VTI1A: variants seen among roughly 807,000 people sequenced by gnomAD.
VTI1A encodes the protein vesicle transport through interaction with t-SNAREs 1A.
A neutral mutation model predicts 34.9 loss-of-function variants in VTI1A; 22 were observed. The observed-to-expected ratio is 0.63, with a 90% CI of 0.45 to 0.90. The LOEUF is 0.90. VTI1A is among the 40% of genes least tolerant of loss of function. The probability of loss-of-function intolerance (pLI) is 0.00; values close to 1 mark genes in which losing one functional copy is unlikely to be tolerated. For synonymous variants in VTI1A, 87 were observed against 97.3 expected (o/e 0.89, Z 0.62); for missense variants, 268 against 275.6 (o/e 0.97, Z 0.20).
chr10:112,610,153 A>T (rs1369046859), intron 5 of VTI1A, among the ~76,000 whole-genome samples: 4 of 147,036 alleles, frequency 2.7e-5, no homozygotes, highest in African/African-American at 1.0e-4. Context: ...GGGGAATCAT[A>T]AAAATTATAT....
chr10:112,847,905 G>A, the VTI1A span, among the ~76,000 whole-genome samples: 1 of 152,088 alleles, frequency 6.6e-6, no homozygotes, highest in African/African-American at 2.4e-5. Flanking sequence ...CCTATCTGAG[G>A]CACCAGGCAT....
chr10:112,516,170 T>G (rs1849768985), intron 3 of VTI1A, among the ~76,000 whole-genome samples: 1 of 152,086 alleles, frequency 6.6e-6, no homozygotes. Flanking sequence ...GTAATCCATA[T>G]TCCTCAGGTC....
At chr10:112,456,243 A>G (rs562101753) in intron 1 of VTI1A, among the ~76,000 whole-genome samples, 1 of 152,204 alleles carries the variant, frequency 6.6e-6, no homozygotes, top group East Asian at 1.9e-4. Context: ...CAACATGGTG[A>G]AACCTCATTC....
the VTI1A span, chr10:112,832,322 T>A: frequency 6.6e-6 from 1 of 152,214 alleles, no homozygotes; most frequent in South Asian, 2.1e-4. Context: ...CCTGAAAGTC[T>A]CATTCTGCCC....
chr10:112,836,550 G>A, the VTI1A span, among the ~76,000 whole-genome samples: 257 of 152,218 alleles, frequency 1.7e-3, 1 homozygote, highest in South Asian at 2.9e-3. Context: ...ATTTCCCTCC[G>A]TTTTCTCTTG....
intron 7 of VTI1A, among the ~76,000 whole-genome samples, chr10:112,754,941 G>A (rs759965158): frequency 6.6e-6 from 1 of 152,182 alleles, no homozygotes; most frequent in Non-Finnish European, 1.5e-5. Flanking sequence ...GGGGCTCAAA[G>A]GTTTCCAAGG....
At chr10:112,476,524 T>G (rs1848282660) in intron 3 of VTI1A, among the ~76,000 whole-genome samples, 1 of 152,176 alleles carries the variant, frequency 6.6e-6, no homozygotes, top group South Asian at 2.1e-4. Flanking sequence ...GAAACAGTGA[T>G]GCTGTGGTAG....
chr10:112,730,198 G>A lies in VTI1A; in HGVS notation c.560+61200G>A, dbSNP rs1253993828. On this transcript the variant is annotated intron_variant, in intron 7 of 7. Transcript: ENST00000393077. ...AAGGTGAAGATGGGCTTTTTAAGGG[G>A]GAGAGGTTACAGCTACCAGCAAACC... Among the ~76,000 whole-genome samples, 4 of 152,170 alleles carry A rather than the reference G, an allele frequency of 2.6e-5. No homozygotes were observed. In the East Asian group the frequency reaches 7.7e-4, roughly 29 times the overall value.
intron 7 of VTI1A, among the ~76,000 whole-genome samples, chr10:112,716,136 G>A (rs752372825): frequency 6.6e-6 from 1 of 152,158 alleles, no homozygotes; most frequent in Non-Finnish European, 1.5e-5. Flanking sequence ...ATGAGGATCC[G>A]AGGTGAGGGA....
chr10:112,555,889 T>C (rs1015879421), intron 5 of VTI1A, among the ~76,000 whole-genome samples: 7 of 152,022 alleles, frequency 4.6e-5, no homozygotes, highest in African/African-American at 1.2e-4. Context: ...TAGTTTCTTA[T>C]AAAATTGCAA....
Position 112,728,120 on chromosome 10 carries a change from A to G in VTI1A, c.560+59122A>G, listed in dbSNP as rs373213420. 3.3e-5 allele frequency among the ~76,000 whole-genome samples: 5 copies of G among 152,310 alleles called. No homozygotes were observed. In the South Asian group the frequency reaches 1.0e-3, roughly 32 times the overall value. Reference sequence around the variant, plus strand: ...CCAGAGAAAGGGATTTTACCTCAGGAAAGTTTCTCAGGTTCTGTGGAACCA... The same window carrying G: ...CCAGAGAAAGGGATTTTACCTCAGGGAAGTTTCTCAGGTTCTGTGGAACCA... On this transcript the variant is annotated intron_variant, in intron 7 of 7. Coordinates refer to ENST00000393077, the MANE Select transcript of VTI1A (RefSeq NM_145206.4).
intron 5 of VTI1A, among the ~76,000 whole-genome samples, chr10:112,626,270 A>G (rs1262071169): frequency 6.6e-6 from 1 of 152,198 alleles, no homozygotes; most frequent in Non-Finnish European, 1.5e-5. Flanking sequence ...ATCAAAAACA[A>G]TTATGAATTT....
chr10:112,593,366 A>G (rs553294519), intron 5 of VTI1A, among the ~76,000 whole-genome samples: 1 of 152,306 alleles, frequency 6.6e-6, no homozygotes, highest in African/African-American at 2.4e-5. Context: ...GTGAAAAGAT[A>G]GGATTATGAA....
At chr10:112,727,475 T>G (rs917534115) in intron 7 of VTI1A, among the ~76,000 whole-genome samples, 2 of 152,002 alleles carry the variant, frequency 1.3e-5, no homozygotes, top group Non-Finnish European at 1.5e-5. Context: ...GCTACTTACA[T>G]GAAAAAAATA....
chr10:112,567,905 T>C (rs1405679990), intron 5 of VTI1A, among the ~76,000 whole-genome samples: 6 of 152,214 alleles, frequency 3.9e-5, no homozygotes, highest in Admixed American at 1.3e-4. Flanking sequence ...TGAGAATTAG[T>C]GCTTAAATAG....
chr10:112,796,281 C>G (rs1564928961), intron 7 of VTI1A, among the ~76,000 whole-genome samples: 1 of 151,890 alleles, frequency 6.6e-6, no homozygotes, highest in Non-Finnish European at 1.5e-5. Context: ...TGGCAGACAC[C>G]TGTAATCCCA....
intron 3 of VTI1A, among the ~76,000 whole-genome samples, chr10:112,466,059 G>A (rs1480955467): frequency 3.9e-5 from 6 of 152,108 alleles, no homozygotes; most frequent in African/African-American, 1.4e-4. Flanking sequence ...AGATACAGGC[G>A]AGGAAAGATC....
chr10:112,724,414 T>G (rs1849931029), intron 7 of VTI1A, among the ~76,000 whole-genome samples: 1 of 152,144 alleles, frequency 6.6e-6, no homozygotes, highest in African/African-American at 2.4e-5. Context: ...GGATTTGCCC[T>G]GGGAATGAGG....
In VTI1A at chr10:112,551,454, A is replaced by G. The variant is rs189126885; in HGVS notation, c.427+13124A>G. ...TTCTATTGATCTCTGCTATAGCAAG[A>G]AAAATACTGCCTTACATTATTATTA... On this transcript the variant is annotated intron_variant, in intron 5 of 7. Coordinates refer to ENST00000393077, the MANE Select transcript of VTI1A (RefSeq NM_145206.4). Among the ~76,000 whole-genome samples the G allele has an allele frequency of 7.9e-5, 12 of 152,224 alleles. No individual in the cohort carries two copies. In the East Asian group the frequency reaches 2.3e-3, roughly 29 times the overall value.
Sources: gnomAD v4.1 joint callset for allele counts (sites outside exome capture counted in the v4.1 genomes callset) on GRCh38, gnomAD v4.1.1 for gene constraint, MANE v1.5 for transcripts, NCBI Gene and HGNC (gene_info 2026-07-23, HGNC 2026-07-21) for gene names.